The following NRG3 variants were observed in gnomAD, a reference collection of about 807,000 sequenced individuals.
The protein encoded by NRG3 is neuregulin 3.
NRG3 carries 31 observed loss-of-function variants against 66.9 expected under a neutral mutation model. The observed-to-expected ratio is 0.46, with a 90% CI of 0.35 to 0.63. The LOEUF is 0.63. Among genes scored for constraint, NRG3 ranks in the 20% least tolerant of loss-of-function variants. The probability of loss-of-function intolerance (pLI) is 0.00; values close to 1 mark genes in which losing one functional copy is unlikely to be tolerated. For synonymous variants in NRG3, 393 were observed against 359.4 expected, an observed-to-expected ratio of 1.09 and a Z score of -1.06; for missense variants, 910 against 878.9, an observed-to-expected ratio of 1.04 and a Z score of -0.45.
chr10:82,519,840 T>A (rs1360713764), intron 2 of NRG3, among the ~76,000 whole-genome samples: 2 of 152,146 alleles, frequency 1.3e-5, no homozygotes, highest in Non-Finnish European at 2.9e-5. Context: ...AGTGGCTTGG[T>A]GAAGTCTTTG....
intron 2 of NRG3, among the ~76,000 whole-genome samples, chr10:82,506,766 T>G (rs562668127): frequency 6.6e-6 from 1 of 152,294 alleles, no homozygotes; most frequent in South Asian, 2.1e-4. Flanking sequence ...AACCAGGAAA[T>G]GTATCCAGAA....
At chr10:82,888,829 G>A (rs754972065) in intron 4 of NRG3, among the ~76,000 whole-genome samples, 2 of 152,006 alleles carry the variant, frequency 1.3e-5, no homozygotes, top group Non-Finnish European at 2.9e-5. Flanking sequence ...AGGGAGCCAG[G>A]GAAGGCCTCA....
intron 1 of NRG3, among the ~76,000 whole-genome samples, chr10:82,079,123 C>T (rs566121879): frequency 6.6e-6 from 1 of 151,922 alleles, no homozygotes; most frequent in East Asian, 1.9e-4. Flanking sequence ...CGGCTCACTG[C>T]AACCTCCGCC....
chr10:82,740,467 C>T (rs2058368994), intron 3 of NRG3, among the ~76,000 whole-genome samples: 1 of 152,052 alleles, frequency 6.6e-6, no homozygotes, highest in Non-Finnish European at 1.5e-5. Flanking sequence ...CCTCGTAGAA[C>T]AAAATGGTCC....
At chr10:81,983,184 G>A (rs1053206325) in intron 1 of NRG3, among the ~76,000 whole-genome samples, 3 of 152,030 alleles carry the variant, frequency 2.0e-5, no homozygotes, top group Non-Finnish European at 2.9e-5. Flanking sequence ...ATCCATGTCT[G>A]GAAATAAATG....
chr10:82,219,864 C>T (rs1462807745), intron 1 of NRG3, among the ~76,000 whole-genome samples: 1 of 151,654 alleles, frequency 6.6e-6, no homozygotes, highest in South Asian at 2.1e-4. Context: ...TGCTGCAAAT[C>T]CATTGAAAAA....
At position 82,626,560 on chromosome 10, in the gene NRG3, TG is replaced by T. The variant is rs1025231914; in HGVS notation, c.954-112012del. Among the ~76,000 whole-genome samples the T allele has an allele frequency of 6.6e-5, 10 of 152,246 alleles. No individual in the cohort carries two copies. In the East Asian group the frequency reaches 9.7e-4, roughly 15 times the overall value. On this transcript the variant is annotated intron_variant, in intron 2 of 8. Transcript: ENST00000372141. Reference sequence around the variant, plus strand: ...GTGTTACCTAAAGGATTTCTTCTCTTGGGGGTAAGTGTGAATTCACTTGAGT... The same window carrying T: ...GTGTTACCTAAAGGATTTCTTCTCTTGGGGTAAGTGTGAATTCACTTGAGT...
intron 2 of NRG3, among the ~76,000 whole-genome samples, chr10:82,541,540 TCAGAACAGAA>T (rs1034657257): frequency 2.0e-5 from 3 of 151,974 alleles, no homozygotes; most frequent in Admixed American, 2.0e-4. Flanking sequence ...GCACTGGTAA[TCAGAACAGAA>T]CAGAACAGGA....
intron 2 of NRG3, among the ~76,000 whole-genome samples, chr10:82,684,523 A>G (rs2054355204): frequency 6.6e-6 from 1 of 152,188 alleles, no homozygotes; most frequent in Non-Finnish European, 1.5e-5. Context: ...ATCAATTACC[A>G]TTGATGGAAC....
At chr10:82,849,323 C>G (rs546965076) in intron 3 of NRG3, among the ~76,000 whole-genome samples, 19 of 152,228 alleles carry the variant, frequency 1.2e-4, no homozygotes, top group South Asian at 1.2e-3. Flanking sequence ...ACAAACACTG[C>G]TGACACCTTG....
intron 2 of NRG3, among the ~76,000 whole-genome samples, chr10:82,470,769 C>T (rs2132049857): frequency 6.6e-6 from 1 of 152,294 alleles, no homozygotes; most frequent in Non-Finnish European, 1.5e-5. Context: ...TCCTTTTGCC[C>T]ACTGTTGTTT....
intron 2 of NRG3, among the ~76,000 whole-genome samples, chr10:82,580,491 T>C (rs1251203030): frequency 6.6e-6 from 1 of 151,986 alleles, no homozygotes; most frequent in Non-Finnish European, 1.5e-5. Context: ...GTATCCACCA[T>C]CAGAGTATAA....
chr10:82,873,217 T>C (rs897130539), intron 4 of NRG3, among the ~76,000 whole-genome samples: 3 of 152,136 alleles, frequency 2.0e-5, no homozygotes, highest in Admixed American at 6.6e-5. Context: ...TTAACTGACA[T>C]AATTAGAGCA....
intron 2 of NRG3, among the ~76,000 whole-genome samples, chr10:82,509,643 G>A (rs769904505): frequency 4.6e-5 from 7 of 152,124 alleles, no homozygotes; most frequent in Admixed American, 2.0e-4. Context: ...TAGGGGAGTG[G>A]CAAGACTCCA....
At chr10:82,346,787 G>C (rs1589797151) in intron 1 of NRG3, among the ~76,000 whole-genome samples, 2 of 152,142 alleles carry the variant, frequency 1.3e-5, no homozygotes, top group East Asian at 3.9e-4. Flanking sequence ...TCCTGGTTTA[G>C]TCTTGGGAGA....
chr10:82,818,477 G>C (rs114561825), intron 3 of NRG3, among the ~76,000 whole-genome samples: 1,684 of 152,212 alleles, frequency 0.011, 24 homozygotes, highest in African/African-American at 0.038. Context: ...AAAAAGAAAG[G>C]TTTTCTTCTT....
intron 1 of NRG3, among the ~76,000 whole-genome samples, chr10:82,233,964 C>G (rs964566784): frequency 6.6e-6 from 1 of 152,114 alleles, no homozygotes; most frequent in African/African-American, 2.4e-5. Context: ...CATCTTACCC[C>G]TTTTCTGTCA....
intron 2 of NRG3, among the ~76,000 whole-genome samples, chr10:82,366,742 A>T (rs1243303475): frequency 1.3e-5 from 2 of 152,144 alleles, no homozygotes; most frequent in Non-Finnish European, 2.9e-5. Flanking sequence ...ACTGAAAATT[A>T]TAGATTTTAC....
chr10:82,319,570 A>G (rs927372429), intron 1 of NRG3, among the ~76,000 whole-genome samples: 1 of 152,192 alleles, frequency 6.6e-6, no homozygotes, highest in Non-Finnish European at 1.5e-5. Flanking sequence ...GATTGTAACC[A>G]GATTACCATG....
Sources: allele counts gnomAD v4.1 joint callset (sites outside exome capture counted in the v4.1 genomes callset), GRCh38; gene constraint gnomAD v4.1.1; transcripts MANE v1.5; gene names NCBI Gene and HGNC (gene_info 2026-07-23, HGNC 2026-07-21).